RBFOX1: variants seen among roughly 807,000 people sequenced by gnomAD.
RBFOX1 encodes RNA binding protein fox-1 homolog 1.
RBFOX1 carries 8 observed loss-of-function variants against 57.7 expected under a neutral mutation model. The ratio of observed to expected loss-of-function variants is 0.14; its 90% confidence interval spans 0.08 to 0.25. The LOEUF is 0.25. Ranked by LOEUF, RBFOX1 falls within the 10% of genes least tolerant of loss-of-function variation. RBFOX1 has a pLI of 1.00. For synonymous variants in RBFOX1, 326 were observed against 222.4 expected (o/e 1.47, Z -4.15); for missense variants, 611 against 548.5 (o/e 1.11, Z -1.14).
rs78457246 is a variant in RBFOX1 at position 6,747,478 on chromosome 16, A to G, written c.-16+92828A>G. Among the ~76,000 whole-genome samples the G allele has an allele frequency of 9.2e-3, 849 of 92,112 alleles. 8 individuals carry two copies. Among genetic ancestry groups the G allele is most frequent in the East Asian group, 0.033 (91 of 2,718 alleles). The allele number at this position is 92,112 out of a possible 152,430, so 60.4% of individuals were successfully genotyped here. Reference sequence around the variant, plus strand: ...TGTCTGTCTGTCTGTCTGTCTGTTTATCTATCTGTCTATCTGTCTTACTGG... The same window carrying G: ...TGTCTGTCTGTCTGTCTGTCTGTTTGTCTATCTGTCTATCTGTCTTACTGG... On this transcript the variant is annotated intron_variant, in intron 3 of 15. Coordinates refer to ENST00000550418, the MANE Select transcript of RBFOX1 (RefSeq NM_018723.4).
chr16:7,016,128 G>T (rs965008600), intron 3 of RBFOX1, among the ~76,000 whole-genome samples: 2 of 152,136 alleles, frequency 1.3e-5, no homozygotes, highest in African/African-American at 4.8e-5. Context: ...CTGGGACAAA[G>T]CATGGAAGAG....
At chr16:7,569,490 C>G (rs1299176191) in intron 5 of RBFOX1, among the ~76,000 whole-genome samples, 2 of 152,194 alleles carry the variant, frequency 1.3e-5, no homozygotes, top group African/African-American at 4.8e-5. Context: ...CCACTGGCCT[C>G]TGTTTCACTT....
At chr16:6,807,301 T>C (rs2087088648) in intron 3 of RBFOX1, among the ~76,000 whole-genome samples, 1 of 151,976 alleles carries the variant, frequency 6.6e-6, no homozygotes, top group Non-Finnish European at 1.5e-5. Context: ...ATTCAAGAGT[T>C]CTAGGGCATA....
intron 3 of RBFOX1, among the ~76,000 whole-genome samples, chr16:6,988,217 A>G (rs2090712778): frequency 1.3e-5 from 2 of 152,208 alleles, no homozygotes; most frequent in Admixed American, 1.3e-4. Context: ...ATTTTTGGAA[A>G]CAAATTTGCA....
chr16:7,694,265 C>G (rs1377696722), intron 14 of RBFOX1, among the ~76,000 whole-genome samples: 1 of 152,172 alleles, frequency 6.6e-6, no homozygotes, highest in African/African-American at 2.4e-5. Context: ...GACCTTCAGA[C>G]ACATACATTA....
chr16:7,388,113 A>G (rs957966280), intron 4 of RBFOX1, among the ~76,000 whole-genome samples: 2 of 152,156 alleles, frequency 1.3e-5, no homozygotes, highest in Admixed American at 1.3e-4. Context: ...TATAAACATA[A>G]TCAGTGTTTA....
At position 6,603,178 on chromosome 16, in the gene RBFOX1, C is replaced by A. The variant is rs558753174; in HGVS notation, c.-63-51425C>A. ...GACCACAGAAAGATCTGAATGGCAG[C>A]ATGCCTTAAGAACAAGATTGACCCA... On this transcript the variant is annotated intron_variant, in intron 2 of 15. Coordinates refer to ENST00000550418, the MANE Select transcript of RBFOX1 (RefSeq NM_018723.4). 1.8e-4 allele frequency among the ~76,000 whole-genome samples: 28 copies of A among 152,272 alleles called. 1 individual carries two copies. The highest frequency in any genetic ancestry group is 6.5e-4 in the African/African-American group (27 of 41,576).
intron 1 of RBFOX1, among the ~76,000 whole-genome samples, chr16:5,348,732 T>C (rs1458649187): frequency 2.0e-5 from 3 of 152,214 alleles, no homozygotes; most frequent in Non-Finnish European, 4.4e-5. Flanking sequence ...AGGACCCCTT[T>C]TCTGGGAAAA....
chr16:7,453,128 C>CA (rs35613776), intron 4 of RBFOX1, among the ~76,000 whole-genome samples: 60,428 of 113,154 alleles, frequency 0.53, 14,884 homozygotes, highest in South Asian at 0.67. Context: ...GGCTTTGTCT[C>CA]AAAAAAAAAA....
chr16:7,469,461 A>T (rs2061157582), intron 4 of RBFOX1, among the ~76,000 whole-genome samples: 1 of 152,060 alleles, frequency 6.6e-6, no homozygotes, highest in Admixed American at 6.6e-5. Flanking sequence ...TGACCTTACA[A>T]TGGCACGCTT....
chr16:5,709,763 C>T (rs1567429591), intron 3 of RBFOX1, among the ~76,000 whole-genome samples: 2 of 121,622 alleles, frequency 1.6e-5, no homozygotes, highest in South Asian at 5.3e-4. Flanking sequence ...CCAATATCTC[C>T]CATTTATGAA....
At chr16:5,247,539 C>T (rs2062332914) in intron 1 of RBFOX1, among the ~76,000 whole-genome samples, 2 of 152,166 alleles carry the variant, frequency 1.3e-5, no homozygotes, top group South Asian at 2.1e-4. Flanking sequence ...TTGGAGATCA[C>T]GCTGTAGCAG....
intron 4 of RBFOX1, among the ~76,000 whole-genome samples, chr16:5,926,715 G>A (rs1281251662): frequency 2.0e-5 from 3 of 152,174 alleles, no homozygotes; most frequent in African/African-American, 7.2e-5. Flanking sequence ...TTTACCCATT[G>A]GGTGGATTCA....
intron 1 of RBFOX1, among the ~76,000 whole-genome samples, chr16:6,241,936 C>G (rs1005578311): frequency 4.6e-5 from 7 of 152,044 alleles, no homozygotes; most frequent in African/African-American, 1.7e-4. Flanking sequence ...ATAGGATAAA[C>G]AACAGCAGAT....
intron 1 of RBFOX1, among the ~76,000 whole-genome samples, chr16:5,389,389 T>C (rs2066342780): frequency 6.6e-6 from 1 of 152,112 alleles, no homozygotes; most frequent in African/African-American, 2.4e-5. Flanking sequence ...GCCTTGTGCC[T>C]CATACGATGT....
In RBFOX1 at chr16:7,425,933, C is replaced by A. The variant is rs777584988; in HGVS notation, c.28-92214C>A. 6.6e-5 allele frequency among the ~76,000 whole-genome samples: 10 copies of A among 152,210 alleles called. 1 individual carries two copies. In the East Asian group the frequency reaches 1.7e-3, roughly 26 times the overall value. ...ATAAAGCCTCCTCCCAGATTCTCCTCAGTGTTTACAGAAATGTGCTGTATC... is the reference window on the plus strand; with the variant it reads ...ATAAAGCCTCCTCCCAGATTCTCCTAAGTGTTTACAGAAATGTGCTGTATC... On this transcript the variant is annotated intron_variant, in intron 4 of 15. Coordinates refer to ENST00000550418, the MANE Select transcript of RBFOX1 (RefSeq NM_018723.4).
intron 8 of RBFOX1, among the ~76,000 whole-genome samples, chr16:7,596,132 AAAAC>A (rs1222367625): frequency 3.8e-4 from 1 of 2,650 alleles, no homozygotes; most frequent in Non-Finnish European, 1.1e-3. Context: ...TGTGGAAAAA[AAAAC>A]AAAAAAAAAA....
At chr16:7,135,766 C>G (rs895534201) in intron 4 of RBFOX1, among the ~76,000 whole-genome samples, 1 of 152,204 alleles carries the variant, frequency 6.6e-6, no homozygotes, top group Non-Finnish European at 1.5e-5. Context: ...TAACATTTTT[C>G]AATTAACCAC....
At chr16:6,246,895 C>A (rs548244806) in intron 1 of RBFOX1, among the ~76,000 whole-genome samples, 151 of 152,204 alleles carry the variant, frequency 9.9e-4, no homozygotes, top group African/African-American at 3.1e-3. Flanking sequence ...ATGGTGAAAC[C>A]CTGTCTCTAC....
Sources: gnomAD v4.1 joint callset for allele counts (sites outside exome capture counted in the v4.1 genomes callset) on GRCh38, gnomAD v4.1.1 for gene constraint, MANE v1.5 for transcripts, NCBI Gene and HGNC (gene_info 2026-07-23, HGNC 2026-07-21) for gene names.